Variants in BSN observed in about 807,000 individuals in gnomAD.
BSN encodes the protein bassoon presynaptic cytomatrix protein, also known as protein bassoon.
In BSN, 57 loss-of-function variants were observed where a neutral mutation model predicts 264.8. The ratio of observed to expected loss-of-function variants is 0.22; its 90% CI spans 0.17 to 0.27. The LOEUF is 0.27. Ranked by LOEUF, BSN falls within the 10% of genes least tolerant of loss-of-function variation. The pLI, the probability that BSN is intolerant of heterozygous loss-of-function variation, is 1.00. For synonymous variants in BSN, 2,059 were observed against 2,137.3 expected, an observed-to-expected ratio of 0.96 and a Z score of 1.01; for missense variants, 4,615 against 5,232.5, an observed-to-expected ratio of 0.88 and a Z score of 3.64.
At position 49,643,165 on chromosome 3, in the gene BSN, C is replaced by T. The variant is rs2052479514; in HGVS notation, c.1518+13C>T. ...CCACCTGGTGGAGGTAAGAGCTGGACCAAGCATGCTCCCTTGAACCTTGAT... is the reference window on the plus strand; with the variant it reads ...CCACCTGGTGGAGGTAAGAGCTGGATCAAGCATGCTCCCTTGAACCTTGAT... On this transcript the variant is annotated intron_variant, in intron 3 of 11. Coordinates refer to ENST00000296452, the MANE Select transcript of BSN (RefSeq NM_003458.4). 5 of 1,598,806 alleles carry T rather than the reference C, an allele frequency of 3.1e-6. No homozygotes were observed. The Admixed American group carries it at 8.4e-5, about 27-fold the overall frequency.
rs775628099 is a variant in BSN at position 49,662,354 on chromosome 3, AGAG to A, written c.10513_10515del (p.Glu3505del). The A allele has an allele frequency of 1.2e-6, 2 of 1,613,538 alleles. No individual in the cohort carries two copies. The highest frequency in any genetic ancestry group is 1.1e-5 in the South Asian group (1 of 91,076). ...CCCCCATGCGGAGCCAGGCCTCTGA[AGAG>A]GAGAGCCCCGTCAGTCCTTTGGGGA... On this transcript the variant is annotated inframe_deletion, in exon 6 of 12. Coordinates refer to ENST00000296452, the MANE Select transcript of BSN (RefSeq NM_003458.4).
At chr3:49,565,513 G>A (rs1427592377) in intron 1 of BSN, among the ~76,000 whole-genome samples, 1 of 151,932 alleles carries the variant, frequency 6.6e-6, no homozygotes, top group Non-Finnish European at 1.5e-5. Context: ...ATAGAGACGG[G>A]GTTTCACCGT....
rs565594865 is a variant in BSN at position 49,592,656 on chromosome 3, C to T, written c.225-32319C>T. On this transcript the variant is annotated intron_variant, in intron 1 of 11. Coordinates refer to ENST00000296452, the MANE Select transcript of BSN (RefSeq NM_003458.4). The stretch of plus-strand genomic sequence containing the variant: ...GTCCCAGCTACTCGGGAGGCTGAGG[C>T]AGGAGAATGGTGTGAACCTGGGAGG... 2.7e-5 allele frequency among the ~76,000 whole-genome samples: 4 copies of T among 150,636 alleles called. No individual in the cohort carries two copies. The South Asian group carries it at 8.4e-4, about 32-fold the overall frequency.
chr3:49,651,641 T>G lies in BSN; in HGVS notation c.2085T>G (p.Ser695Arg). ...YSSDGISSSQ[S>R]EITGVVQQEV... is the part of the protein sequence containing the mutation. ...CTGACGGCATCTCTAGCTCCCAGAGTGAGATCACAGGAGTCGTGCAGCAGG... is the reference window on the plus strand; with the variant it reads ...CTGACGGCATCTCTAGCTCCCAGAGGGAGATCACAGGAGTCGTGCAGCAGG... The change falls in exon 5 of 12, where the codon AGT (serine) becomes AGG (arginine). Residue 695 changes from serine (S) to arginine (R), a missense_variant. This residue lies in a region of BSN where 1,197 missense variants were observed against 1,348.0 expected (regional missense o/e 0.89). Coordinates refer to ENST00000296452, the MANE Select transcript of BSN (RefSeq NM_003458.4). This position sits in a 1 kb window ranked among gnomAD's most constrained non-coding sequence, Gnocchi z 5.4. 3 of 1,612,208 alleles carry G rather than the reference T, an allele frequency of 1.9e-6. No homozygotes were observed. Among genetic ancestry groups the G allele is most frequent in the Non-Finnish European group, 2.5e-6 (3 of 1,179,312 alleles).
intron 1 of BSN, among the ~76,000 whole-genome samples, chr3:49,576,261 C>T (rs1260528396): frequency 1.3e-5 from 2 of 152,050 alleles, no homozygotes; most frequent in East Asian, 1.9e-4. Flanking sequence ...AGGACAGTGG[C>T]CTTGTCACCT....
chr3:49,593,233 C>G (rs1367848496), intron 1 of BSN, among the ~76,000 whole-genome samples: 1 of 152,164 alleles, frequency 6.6e-6, no homozygotes, highest in Non-Finnish European at 1.5e-5. Context: ...GTCAATAGTT[C>G]ATTCCATTTT....
At chr3:49,633,604 G>C (rs73077107) in intron 2 of BSN, among the ~76,000 whole-genome samples, 2 of 152,014 alleles carry the variant, frequency 1.3e-5, no homozygotes, top group Non-Finnish European at 2.9e-5. Context: ...TTGAAAGGAA[G>C]GTCTTGAAGA....
Position 49,614,260 on chromosome 3 carries a change from C to G in BSN, c.225-10715C>G, listed in dbSNP as rs557058328. ...ATTTTTAGTAGAGACAGGGTTTCAC[C>G]GTGTTAGCCAGGATGGTCTTGATCT... is the stretch of plus-strand genomic sequence containing the variant. On this transcript the variant is annotated intron_variant, in intron 1 of 11. Coordinates refer to ENST00000296452, the MANE Select transcript of BSN (RefSeq NM_003458.4). 2.0e-3 allele frequency among the ~76,000 whole-genome samples: 298 copies of G among 151,986 alleles called. 2 individuals carry two copies. Among genetic ancestry groups the G allele is most frequent in the Non-Finnish European group, 6.3e-4 (43 of 67,956 alleles).
Position 49,660,232 on chromosome 3 carries a change from GC to G in BSN, c.8641-251del, listed in dbSNP as rs1369413139. 6.6e-6 allele frequency among the ~76,000 whole-genome samples: 1 copy of G among 152,160 alleles called. No homozygotes were observed. Among genetic ancestry groups the G allele is most frequent in the Non-Finnish European group, 1.5e-5 (1 of 68,024 alleles). On this transcript the variant is annotated intron_variant, in intron 5 of 11. Transcript: ENST00000296452. The surrounding 1 kb of genome is among the most constrained non-coding windows in gnomAD (Gnocchi z 7.1). Reference sequence around the variant, plus strand: ...CAGGACATTGGCATGAAGGGAATCTGCCCGTACCCTCCTGCTTCCCAAAGCT... The same window carrying G: ...CAGGACATTGGCATGAAGGGAATCTGCCGTACCCTCCTGCTTCCCAAAGCT...
Position 49,554,695 on chromosome 3 carries a change from C to T in BSN, c.93C>T (p.Pro31=), listed in dbSNP as rs1038281781. ...CCGGCCCGGGCCCCGGCCCCGGCCC[C>T]GGCGCAGGAAAGCCGCCTTCAGCAC... ...AGPGPGPGPG[P]GAGKPPSAPA... is the part of the protein sequence containing the mutation. Residue 31 remains proline (P), a synonymous_variant, in exon 1 of 12, where the codon CCC becomes CCT. Coordinates refer to ENST00000296452, the MANE Select transcript of BSN (RefSeq NM_003458.4). The T allele has an allele frequency of 1.3e-4, 149 of 1,117,214 alleles. No homozygotes were observed. The highest frequency in any genetic ancestry group is 1.6e-4 in the Non-Finnish European group (147 of 913,058). 69.2% of individuals were successfully genotyped at this position (1,117,214 alleles called of 1,614,324 possible). A position where few individuals can be genotyped will look rare whatever the true frequency, so the allele number is the denominator to read the frequency against.
At chr3:49,588,092 T>G (rs1309220806) in intron 1 of BSN, among the ~76,000 whole-genome samples, 1 of 151,836 alleles carries the variant, frequency 6.6e-6, no homozygotes, top group Non-Finnish European at 1.5e-5. Flanking sequence ...CGGCTAATTT[T>G]TGTATTTTTA....
intron 1 of BSN, among the ~76,000 whole-genome samples, chr3:49,596,221 G>A (rs1320362115): frequency 1.1e-4 from 17 of 152,148 alleles, no homozygotes; most frequent in East Asian, 1.9e-4. Context: ...TGGCTAACAC[G>A]GTGAAACCCT....
At position 49,653,483 on chromosome 3, in the gene BSN, C is replaced by T. The variant is rs1575448546; in HGVS notation, c.3927C>T (p.Thr1309=). ...TGAAGCAAAATGGTGGCCCCCTTAC[C>T]CCTGGTACCAGTCCCACCCAGCTCG... ...DPMKQNGGPL[T]PGTSPTQLAA... The change falls in exon 5 of 12, where the codon ACC becomes ACT. Residue 1309 remains threonine, a synonymous_variant. Coordinates refer to ENST00000296452, the MANE Select transcript of BSN (RefSeq NM_003458.4). This position sits in a 1 kb window ranked among gnomAD's most constrained non-coding sequence, Gnocchi z 6.3. 4 of 1,613,868 alleles carry T rather than the reference C, an allele frequency of 2.5e-6. No individual in the cohort carries two copies. Among genetic ancestry groups the T allele is most frequent in the African/African-American group, 1.3e-5 (1 of 74,886 alleles).
chr3:49,554,877 G>A (rs2051652901), intron 1 of BSN, 51 bp downstream of exon 1: 17 of 1,080,796 alleles, frequency 1.6e-5, no homozygotes, highest in Non-Finnish European at 1.7e-5. Context: ...GCCTGAGGCC[G>A]GGACCCGGGC....
Position 49,656,158 on chromosome 3 carries a change from C to A in BSN, c.6602C>A (p.Pro2201Gln). The change falls in exon 5 of 12, where the codon CCA becomes CAA. Residue 2201 changes from proline to glutamine, a missense_variant. Pro to Gln is a moderately conservative substitution (Grantham distance 76). Coordinates refer to ENST00000296452, the MANE Select transcript of BSN (RefSeq NM_003458.4). ...DGMIYSTINTPIAATLPITTQ... is the reference protein window; with the variant it reads ...DGMIYSTINTQIAATLPITTQ... ...ATGATCTACTCGACTATCAATACCC[C>A]AATTGCTGCAACACTGCCCATCACC... 6.2e-7 allele frequency: 1 copy of A among 1,613,076 alleles called. No individual in the cohort carries two copies.
At chr3:49,586,874 G>T (rs189933866) in intron 1 of BSN, among the ~76,000 whole-genome samples, 22 of 152,238 alleles carry the variant, frequency 1.4e-4, no homozygotes, top group Admixed American at 1.4e-3. Flanking sequence ...TTTTGCTTAG[G>T]ATAGCTTTGG....
chr3:49,609,089 CTTTTTTTTTTTT>C (rs35003449), intron 1 of BSN, among the ~76,000 whole-genome samples: 1 of 89,036 alleles, frequency 1.1e-5, no homozygotes, highest in Admixed American at 1.4e-4. Context: ...GTTAAATTGA[CTTTTTTTTTTTT>C]TTTTTTTTTT....
chr3:49,554,565 G>A lies in BSN; in HGVS notation c.-38G>A. 1 of 825,074 alleles carries A rather than the reference G, an allele frequency of 1.2e-6. No individual in the cohort carries two copies. The highest frequency in any genetic ancestry group is 1.5e-6 in the Non-Finnish European group (1 of 683,902). 51.1% of individuals were successfully genotyped at this position (825,074 alleles called of 1,614,324 possible). A position where few individuals can be genotyped will look rare whatever the true frequency, so the allele number is the denominator to read the frequency against. On this transcript the variant is annotated 5_prime_UTR_variant, in exon 1 of 12. Coordinates refer to ENST00000296452, the MANE Select transcript of BSN (RefSeq NM_003458.4). ...CCGCCCGGGAGCCGCCGGCCCGGGC[G>A]CAGCGCGACCCCGACCCCGCCCGCC...
In BSN at chr3:49,655,299, G is replaced by A. The variant is rs2052588822; in HGVS notation, c.5743G>A (p.Gly1915Ser). 1.9e-6 allele frequency: 3 copies of A among 1,612,318 alleles called. No individual in the cohort carries two copies. The African/African-American group carries it at 4.0e-5, about 22-fold the overall frequency. ...YKLPFGSSCT[G>S]TFHPAPSVPE... ...GCTCCCCTTTGGCAGCAGCTGCACT[G>A]GCACCTTCCACCCGGCCCCCAGTGT... The change falls in exon 5 of 12, where the codon GGC (glycine) becomes AGC (serine). Residue 1915 changes from glycine to serine, a missense_variant. Around this residue, in one of 3 missense-constraint regions of BSN, gnomAD observed 3,415 missense variants for 3,866.4 expected, o/e 0.88. Coordinates refer to ENST00000296452, the MANE Select transcript of BSN (RefSeq NM_003458.4).
Sources: gnomAD v4.1 joint callset for allele counts (sites outside exome capture counted in the v4.1 genomes callset) on GRCh38, gnomAD v4.1.1 for gene constraint, gnomAD v4.1.1 regional missense constraint, Gnocchi (gnomAD v3.1) non-coding constraint, MANE v1.5 for transcripts, NCBI Gene and HGNC (gene_info 2026-07-23, HGNC 2026-07-21) for gene names.